The following PDE8B variants were observed in gnomAD, a reference collection of about 807,000 sequenced individuals.
PDE8B encodes high affinity cAMP-specific and IBMX-insensitive 3',5'-cyclic phosphodiesterase 8B.
PDE8B carries 26 observed loss-of-function variants against 101.3 expected under a neutral mutation model. The ratio of observed to expected loss-of-function variants is 0.26; its 90% CI spans 0.19 to 0.36. PDE8B has a LOEUF of 0.36. Ranked by LOEUF, PDE8B falls within the 10% of genes least tolerant of loss-of-function variation. The pLI is 1.00. For missense variants in PDE8B, 810 were observed against 1,163.1 expected, an observed-to-expected ratio of 0.70 and a Z score of 4.42; for synonymous variants, 424 against 429.3, an observed-to-expected ratio of 0.99 and a Z score of 0.15.
At chr5:77,172,431 T>A in the PDE8B span, among the ~76,000 whole-genome samples, 572 of 152,304 alleles carry the variant, frequency 3.8e-3, 6 homozygotes, top group African/African-American at 0.013. Flanking sequence ...ACAATGACGG[T>A]GTTTGTTAAT....
intron 10 of PDE8B, among the ~76,000 whole-genome samples, chr5:77,364,180 G>C (rs1348228363): frequency 6.6e-6 from 1 of 152,180 alleles, no homozygotes; most frequent in Non-Finnish European, 1.5e-5. Flanking sequence ...AGTGGGCAAG[G>C]TTGGGCATGC....
At chr5:77,278,468 A>G (rs1363009736) in intron 1 of PDE8B, among the ~76,000 whole-genome samples, 1 of 151,998 alleles carries the variant, frequency 6.6e-6, no homozygotes, top group Admixed American at 6.6e-5. Context: ...TTAAAGAGAG[A>G]TACTTCTTTT....
chr5:77,377,776 G>T (rs1257658005), intron 10 of PDE8B, among the ~76,000 whole-genome samples: 1 of 152,178 alleles, frequency 6.6e-6, no homozygotes, highest in East Asian at 1.9e-4. Flanking sequence ...GAATAAAAAG[G>T]CAGTGGAAGT....
chr5:77,291,740 G>A, intron 1 of PDE8B: 1 of 1,589,284 alleles, frequency 6.3e-7, no homozygotes. Flanking sequence ...ACATGAGAAG[G>A]TCTACTTGTA....
chr5:77,411,388 G>A (rs554470730), intron 14 of PDE8B, among the ~76,000 whole-genome samples: 46 of 152,316 alleles, frequency 3.0e-4, no homozygotes, highest in South Asian at 1.7e-3. Flanking sequence ...AAAATGCCAG[G>A]AGAGGAAGAT....
At chr5:77,411,020 A>G (rs1386678008) in intron 14 of PDE8B, 1 of 152,580 alleles carries the variant, frequency 6.6e-6, no homozygotes, top group East Asian at 1.9e-4. Context: ...ATTCAGGAAC[A>G]CTTGGGGACT....
At chr5:77,223,016 A>G (rs1371387975) in intron 1 of PDE8B, among the ~76,000 whole-genome samples, 3 of 152,206 alleles carry the variant, frequency 2.0e-5, no homozygotes, top group African/African-American at 7.2e-5. Context: ...TTTGGGTTGA[A>G]GCTCTAAAGC....
chr5:77,322,499 C>T (rs938337428), intron 2 of PDE8B, among the ~76,000 whole-genome samples: 3 of 152,184 alleles, frequency 2.0e-5, no homozygotes, highest in African/African-American at 7.2e-5. Flanking sequence ...GTGAACCTGA[C>T]CTGCTCCCAC....
chr5:77,159,174 G>A, the PDE8B span, among the ~76,000 whole-genome samples: 1 of 152,200 alleles, frequency 6.6e-6, no homozygotes, highest in South Asian at 2.1e-4. Flanking sequence ...TGGCCATAGC[G>A]ATTGAGCCAA....
chr5:77,340,467 G>A (rs1436279396), intron 6 of PDE8B, among the ~76,000 whole-genome samples: 5 of 152,106 alleles, frequency 3.3e-5, no homozygotes, highest in Admixed American at 2.0e-4. Flanking sequence ...ACAAGGTCAC[G>A]ATCCTCTCAC....
At chr5:77,391,519 T>G (rs374191873) in intron 10 of PDE8B, among the ~76,000 whole-genome samples, 1 of 152,134 alleles carries the variant, frequency 6.6e-6, no homozygotes, top group East Asian at 1.9e-4. Context: ...AAATTATACT[T>G]GAAGAAGAAT....
At chr5:77,335,645 C>T (rs1778032330) in intron 5 of PDE8B, among the ~76,000 whole-genome samples, 1 of 151,954 alleles carries the variant, frequency 6.6e-6, no homozygotes, top group Non-Finnish European at 1.5e-5. Context: ...AGAAATACAT[C>T]TTTCAGCAGG....
chr5:77,179,937 G>A, the PDE8B span, among the ~76,000 whole-genome samples: 1 of 152,130 alleles, frequency 6.6e-6, no homozygotes, highest in African/African-American at 2.4e-5. Flanking sequence ...TATATGTATA[G>A]GGACCAATAT....
chr5:77,363,927 G>A (rs1329768830), intron 10 of PDE8B, among the ~76,000 whole-genome samples: 1 of 152,112 alleles, frequency 6.6e-6, no homozygotes, highest in African/African-American at 2.4e-5. Context: ...CCTACCTCCA[G>A]GTGCTTCAGG....
the PDE8B span, chr5:77,112,322 G>A: frequency 6.2e-4 from 95 of 152,260 alleles, no homozygotes; most frequent in African/African-American, 2.1e-3. Context: ...ACAAAATATC[G>A]TAGCATTTGG....
intron 2 of PDE8B, among the ~76,000 whole-genome samples, chr5:77,321,571 CAA>C (rs1444012589): frequency 1.3e-5 from 2 of 152,108 alleles, no homozygotes; most frequent in Admixed American, 6.5e-5. Context: ...GAGATGGGAA[CAA>C]AGAGTCCAAT....
rs1794018108 is a variant in PDE8B, at chr5:77,408,903, T to C, written c.1376T>C (p.Ile459Thr). 1 of 1,613,108 alleles carries C rather than the reference T, an allele frequency of 6.2e-7. No homozygotes were observed. The highest frequency in any genetic ancestry group is 2.2e-5 in the East Asian group (1 of 44,880). Reference sequence around the variant, plus strand: ...TCTTCACTCCGTTAGGTTATAAATATAATCAATGCAGCCCAAGAAAACAGC... The same window carrying C: ...TCTTCACTCCGTTAGGTTATAAATACAATCAATGCAGCCCAAGAAAACAGC... ...IEAPITKVIN[I>T]INAAQENSPV... The change falls in exon 14 of 22, where the codon ATA (isoleucine) becomes ACA (threonine). Residue 459 changes from isoleucine (I) to threonine (T), a missense_variant. This residue lies in a region of PDE8B where 325 missense variants were observed against 560.9 expected (regional missense o/e 0.58). Transcript: ENST00000264917.
intron 17 of PDE8B, among the ~76,000 whole-genome samples, chr5:77,414,574 C>T (rs1288565372): frequency 6.6e-6 from 1 of 150,574 alleles, no homozygotes; most frequent in Non-Finnish European, 1.5e-5. Flanking sequence ...GCGTAGGCCA[C>T]CATGCCCAGC....
chr5:77,145,180 A>C, the PDE8B span: 1 of 152,132 alleles, frequency 6.6e-6, no homozygotes, highest in African/African-American at 2.4e-5. Flanking sequence ...GCAGAAACAC[A>C]CAAATGAATC....
Sources: allele counts gnomAD v4.1 joint callset (sites outside exome capture counted in the v4.1 genomes callset), GRCh38; gene constraint gnomAD v4.1.1; regional missense constraint gnomAD v4.1.1; transcripts MANE v1.5; gene names NCBI Gene and HGNC (gene_info 2026-07-23, HGNC 2026-07-21).